IL1R1: variants seen among roughly 807,000 people sequenced by gnomAD.
IL1R1 encodes the protein interleukin-1 receptor type 1.
A neutral mutation model predicts 50.2 loss-of-function variants in IL1R1; 22 were observed. The observed-to-expected ratio is 0.44, with a 90% CI of 0.31 to 0.63. The LOEUF (loss-of-function observed/expected upper bound fraction) is 0.63. Among genes scored for constraint, IL1R1 ranks in the 20% least tolerant of loss-of-function variants. The pLI is 0.07. For missense variants in IL1R1, 509 were observed against 676.2 expected (o/e 0.75, Z 2.74); for synonymous variants, 251 against 236.7 (o/e 1.06, Z -0.55).
intron 1 of IL1R1, among the ~76,000 whole-genome samples, chr2:102,149,316 C>A (rs1683441780): frequency 6.6e-6 from 1 of 152,152 alleles, no homozygotes; most frequent in Non-Finnish European, 1.5e-5. Context: ...GTGTTGCTAT[C>A]AGGTGGAAAT....
At chr2:102,148,715 G>A (rs949905116) in intron 1 of IL1R1, among the ~76,000 whole-genome samples, 7 of 152,258 alleles carry the variant, frequency 4.6e-5, no homozygotes, top group African/African-American at 1.7e-4. Context: ...GCCAGGGCTT[G>A]TGTGAGTATG....
rs540773028 is a variant in IL1R1 at position 102,167,099 on chromosome 2, G to A, written c.655+818G>A. ...TCAGAACTTTTTTGCAGGTTATAGG[G>A]GTGACTATTAGTAGTTATGCTGGGA... is the stretch of plus-strand genomic sequence containing the variant. On this transcript the variant is annotated intron_variant, in intron 6 of 11. Coordinates refer to ENST00000410023, the MANE Select transcript of IL1R1 (RefSeq NM_000877.4). 5.3e-5 allele frequency among the ~76,000 whole-genome samples: 8 copies of A among 152,052 alleles called. No homozygotes were observed. The South Asian group carries it at 1.7e-3, about 32-fold the overall frequency.
intron 1 of IL1R1, among the ~76,000 whole-genome samples, chr2:102,088,100 C>G (rs1278134570): frequency 1.3e-5 from 2 of 152,210 alleles, no homozygotes; most frequent in Admixed American, 1.3e-4. Flanking sequence ...GAGTCAACTT[C>G]TAAACTCCTG....
chr2:102,084,109 T>C (rs1027599965), intron 1 of IL1R1, among the ~76,000 whole-genome samples: 1 of 152,194 alleles, frequency 6.6e-6, no homozygotes, highest in Non-Finnish European at 1.5e-5. Flanking sequence ...CTCAATTTTC[T>C]TGTTTGCAAA....
intron 1 of IL1R1, among the ~76,000 whole-genome samples, chr2:102,079,524 A>G (rs1299958237): frequency 6.6e-6 from 1 of 152,180 alleles, no homozygotes; most frequent in Non-Finnish European, 1.5e-5. Context: ...ATAAAATAGC[A>G]TAAACTTAAG....
At chr2:102,112,602 G>A (rs1247928447) in intron 1 of IL1R1, among the ~76,000 whole-genome samples, 1 of 152,186 alleles carries the variant, frequency 6.6e-6, no homozygotes, top group African/African-American at 2.4e-5. Flanking sequence ...AACATGGGAT[G>A]GGGGTTGTCA....
chr2:102,166,547 G>T (rs1294971667), intron 6 of IL1R1, among the ~76,000 whole-genome samples: 1 of 152,112 alleles, frequency 6.6e-6, no homozygotes, highest in African/African-American at 2.4e-5. Context: ...CTTTGGCATG[G>T]CTAAAAATGG....
intron 1 of IL1R1, among the ~76,000 whole-genome samples, chr2:102,085,306 A>G (rs1249212153): frequency 6.6e-6 from 1 of 152,094 alleles, no homozygotes; most frequent in Non-Finnish European, 1.5e-5. Context: ...AGTCATAAAA[A>G]TTTTCTCCTG....
chr2:102,114,438 T>C (rs1416743512), intron 1 of IL1R1, among the ~76,000 whole-genome samples: 1 of 152,192 alleles, frequency 6.6e-6, no homozygotes, highest in East Asian at 1.9e-4. Context: ...TTGTCAACAG[T>C]GAAGGAATGT....
At chr2:102,160,861 G>C (rs1163461208) in intron 3 of IL1R1, among the ~76,000 whole-genome samples, 1 of 152,154 alleles carries the variant, frequency 6.6e-6, no homozygotes, top group African/African-American at 2.4e-5. Context: ...GTTTTGCGTG[G>C]TATGGCACAC....
intron 1 of IL1R1, among the ~76,000 whole-genome samples, chr2:102,118,498 C>G (rs535054172): frequency 6.6e-6 from 1 of 152,272 alleles, no homozygotes; most frequent in Admixed American, 6.5e-5. Flanking sequence ...TACAGCTGGT[C>G]AGTCAGACAT....
chr2:102,160,825 A>G lies in IL1R1; in HGVS notation c.61+3040A>G, dbSNP rs188999065. Reference sequence around the variant, plus strand: ...CCTTTTGTTTCTGCTTCTGCCTCCTAACCCAATCTGGTGATTCTCCCTGTG... The same window carrying G: ...CCTTTTGTTTCTGCTTCTGCCTCCTGACCCAATCTGGTGATTCTCCCTGTG... On this transcript the variant is annotated intron_variant, in intron 3 of 11. Transcript: ENST00000410023. Among the ~76,000 whole-genome samples the G allele has an allele frequency of 5.3e-5, 8 of 152,230 alleles. No homozygotes were observed. In the East Asian group the frequency reaches 1.5e-3, roughly 29 times the overall value.
In IL1R1 at chr2:102,176,396, A is replaced by G. The variant is rs776850978; in HGVS notation, c.1347A>G (p.Arg449=). 6.2e-6 allele frequency: 10 copies of G among 1,614,050 alleles called. No homozygotes were observed. In the East Asian group the frequency reaches 2.2e-4, roughly 36 times the overall value. ...VINENVKKSR[R]LIIILVRETS... ...ATGAAAACGTAAAGAAAAGCAGAAG[A>G]CTGATTATCATTTTAGTCAGAGAAA... Residue 449 remains arginine, a synonymous_variant, in exon 12 of 12, where the codon AGA becomes AGG. Transcript: ENST00000410023.
Position 102,179,348 on chromosome 2 carries a change from G to A in IL1R1, c.*2589G>A, listed in dbSNP as rs1037448448. The A allele has an allele frequency of 2.6e-5, 4 of 152,304 alleles. No homozygotes were observed. The highest frequency in any genetic ancestry group is 7.2e-5 in the African/African-American group (3 of 41,440). 9.4% of individuals were successfully genotyped at this position (152,304 alleles called of 1,614,324 possible). A position where few individuals can be genotyped will look rare whatever the true frequency, so the allele number is the denominator to read the frequency against. ...GAGGGACAAGAATCAATGGATAAGC[G>A]TGGGTGGAGGAAGATCCAAACAGAA... On this transcript the variant is annotated 3_prime_UTR_variant, in exon 12 of 12. Coordinates refer to ENST00000410023, the MANE Select transcript of IL1R1 (RefSeq NM_000877.4).
intron 1 of IL1R1, among the ~76,000 whole-genome samples, chr2:102,108,992 G>A (rs959868253): frequency 6.7e-6 from 1 of 148,628 alleles, no homozygotes; most frequent in African/African-American, 2.5e-5. Context: ...AATAATAAAA[G>A]CTAATATGTA....
At chr2:102,123,497 C>T (rs904287903) in intron 1 of IL1R1, among the ~76,000 whole-genome samples, 16 of 152,108 alleles carry the variant, frequency 1.1e-4, no homozygotes, top group South Asian at 6.2e-4. Flanking sequence ...ATACATAGGA[C>T]AGCCACAGTG....
At chr2:102,153,345 A>G (rs1683870767) in intron 1 of IL1R1, among the ~76,000 whole-genome samples, 1 of 152,192 alleles carries the variant, frequency 6.6e-6, no homozygotes, top group African/African-American at 2.4e-5. Flanking sequence ...GTGTTTAATC[A>G]AAATAGCTTG....
intron 1 of IL1R1, among the ~76,000 whole-genome samples, chr2:102,079,768 A>G (rs533766725): frequency 6.6e-6 from 1 of 152,316 alleles, no homozygotes; most frequent in African/African-American, 2.4e-5. Context: ...GGAAATGCAA[A>G]GGATGGAGAA....
At chr2:102,119,013 G>A (rs1194676136) in intron 1 of IL1R1, among the ~76,000 whole-genome samples, 2 of 81,962 alleles carry the variant, frequency 2.4e-5, no homozygotes, top group Non-Finnish European at 4.3e-5. Context: ...GTGAGACTGT[G>A]TCTCAAAAAA....
Sources: gnomAD v4.1 joint callset for allele counts (sites outside exome capture counted in the v4.1 genomes callset) on GRCh38, gnomAD v4.1.1 for gene constraint, MANE v1.5 for transcripts, NCBI Gene and HGNC (gene_info 2026-07-23, HGNC 2026-07-21) for gene names.